The following SORCS1 variants were observed in gnomAD, a reference collection of about 807,000 sequenced individuals.
The protein encoded by SORCS1 is sortilin related VPS10 domain containing receptor 1.
SORCS1 carries 60 observed loss-of-function variants against 146.1 expected under a neutral mutation model. That is an observed-to-expected ratio of 0.41 (90% CI 0.33 to 0.51). The LOEUF (loss-of-function observed/expected upper bound fraction) is 0.51, where lower values mean the gene tolerates loss of function less well. SORCS1 is among the 20% of genes least tolerant of loss of function. The pLI, the probability that SORCS1 is intolerant of heterozygous loss-of-function variation, is 0.21. For missense variants in SORCS1, 1,352 were observed against 1,487.6 expected, an observed-to-expected ratio of 0.91 and a Z score of 1.50; for synonymous variants, 637 against 584.0, an observed-to-expected ratio of 1.09 and a Z score of -1.31.
intron 3 of SORCS1, among the ~76,000 whole-genome samples, chr10:106,799,824 G>A (rs113412655): frequency 8.6e-4 from 131 of 152,322 alleles, no homozygotes; most frequent in African/African-American, 3.0e-3. Flanking sequence ...ACAGTGTGGC[G>A]ATTCCTCAAG....
At chr10:106,661,946 G>A (rs1257350767) in intron 17 of SORCS1, among the ~76,000 whole-genome samples, 2 of 152,234 alleles carry the variant, frequency 1.3e-5, no homozygotes, top group East Asian at 1.9e-4. Context: ...CAATCGTGGA[G>A]AACACAGCAG....
Position 107,164,333 on chromosome 10 carries a change from G to A in SORCS1, c.194C>T (p.Ala65Val), listed in dbSNP as rs925329341. ...GFSHQGRPGR[A>V]PATPLPLVVR... ...TACGAGGGGCAGGGGCGTGGCAGGA[G>A]CCCTGCCTGGCCGCCCCTGGTGGGA... The change falls in exon 1 of 26, where the codon GCT (alanine) becomes GTT (valine). Residue 65 changes from alanine to valine, a missense_variant. By Grantham distance (64) the Ala-to-Val change is moderately conservative (BLOSUM62 0). Transcript: ENST00000263054. The surrounding 1 kb of genome is among the most constrained non-coding windows in gnomAD (Gnocchi z 6.8). 2.6e-6 allele frequency: 4 copies of A among 1,539,610 alleles called. No homozygotes were observed. The highest frequency in any genetic ancestry group is 3.5e-6 in the Non-Finnish European group (4 of 1,145,608).
Position 107,164,115 on chromosome 10 carries a change from G to A in SORCS1, c.412C>T (p.Gln138Ter). Residue 138 changes from glutamine to a stop codon, truncating the protein, a stop_gained, in exon 1 of 26, where the codon CAG becomes TAG. Transcript: ENST00000263054. LOFTEE classifies it high-confidence loss of function. This position sits in a 1 kb window ranked among gnomAD's most constrained non-coding sequence, Gnocchi z 6.8. ...PRGVLRDGGQ[Q>*]EPGTRERDPD... ...TCCCGCTCCCGAGTCCCAGGCTCCT[G>A]CTGCCCTCCATCTCTTAGCACTCCC... 6.2e-7 allele frequency: 1 copy of A among 1,613,750 alleles called. No homozygotes were observed. Among genetic ancestry groups the A allele is most frequent in the South Asian group, 1.1e-5 (1 of 91,078 alleles).
chr10:106,902,613 T>C (rs1951755521), intron 2 of SORCS1, among the ~76,000 whole-genome samples: 1 of 152,230 alleles, frequency 6.6e-6, no homozygotes, highest in Admixed American at 6.5e-5. Context: ...ATGAAGAGAT[T>C]CATAGGTATA....
chr10:106,739,775 C>T (rs927139780), intron 5 of SORCS1, among the ~76,000 whole-genome samples: 1 of 151,740 alleles, frequency 6.6e-6, no homozygotes, highest in Non-Finnish European at 1.5e-5. Flanking sequence ...TGTGGTGAAA[C>T]CCCGTCTCTA....
intron 2 of SORCS1, among the ~76,000 whole-genome samples, chr10:106,889,144 T>C (rs908466111): frequency 1.3e-5 from 2 of 152,162 alleles, no homozygotes; most frequent in South Asian, 2.1e-4. Context: ...TTGTTACTTT[T>C]TGAGATACTA....
chr10:106,661,543 T>A (rs974706820), intron 17 of SORCS1, among the ~76,000 whole-genome samples: 3 of 152,220 alleles, frequency 2.0e-5, no homozygotes, highest in Non-Finnish European at 4.4e-5. Context: ...CTTTCTTTAC[T>A]CTAGAGGAGT....
intron 2 of SORCS1, among the ~76,000 whole-genome samples, chr10:106,854,833 G>GTA (rs1426564402): frequency 2.6e-5 from 4 of 151,968 alleles, no homozygotes; most frequent in Non-Finnish European, 4.4e-5. Flanking sequence ...ATGTGTGTGT[G>GTA]TATATATATA....
intron 23 of SORCS1, among the ~76,000 whole-genome samples, chr10:106,601,199 G>C (rs1290036603): frequency 6.6e-6 from 1 of 152,352 alleles, no homozygotes; most frequent in African/African-American, 2.4e-5. Flanking sequence ...GTGAAATACT[G>C]TGTGATTTCT....
chr10:106,895,953 A>G (rs188910803), intron 2 of SORCS1, among the ~76,000 whole-genome samples: 17 of 151,680 alleles, frequency 1.1e-4, no homozygotes, highest in East Asian at 3.9e-4. Flanking sequence ...GTGTGTGTGT[A>G]TATATATATA....
At chr10:107,067,296 CTTTT>C (rs145060045) in intron 1 of SORCS1, among the ~76,000 whole-genome samples, 1 of 146,288 alleles carries the variant, frequency 6.8e-6, no homozygotes. Flanking sequence ...TTCAACTTAA[CTTTT>C]TTTTTTTTTT....
At chr10:107,046,421 AT>A (rs1169152463) in intron 1 of SORCS1, among the ~76,000 whole-genome samples, 1 of 152,108 alleles carries the variant, frequency 6.6e-6, no homozygotes, top group Non-Finnish European at 1.5e-5. Flanking sequence ...ATGTTTATCA[AT>A]AAATACATGT....
intron 1 of SORCS1, among the ~76,000 whole-genome samples, chr10:106,986,673 C>T (rs1589856494): frequency 1.4e-5 from 2 of 141,944 alleles, no homozygotes; most frequent in African/African-American, 4.9e-5. Context: ...TTTTTTGAGA[C>T]TTATTCTTTC....
intron 1 of SORCS1, among the ~76,000 whole-genome samples, chr10:107,112,898 A>C (rs1965786843): frequency 6.6e-6 from 1 of 152,206 alleles, no homozygotes; most frequent in Non-Finnish European, 1.5e-5. Flanking sequence ...GACAGCAATC[A>C]AATAATAATA....
At chr10:106,942,584 C>T (rs1187164734) in intron 2 of SORCS1, among the ~76,000 whole-genome samples, 1 of 152,186 alleles carries the variant, frequency 6.6e-6, no homozygotes, top group African/African-American at 2.4e-5. Flanking sequence ...TCACGTCCAT[C>T]TCCCACTCAA....
At chr10:106,753,696 A>T (rs1344594482) in intron 5 of SORCS1, among the ~76,000 whole-genome samples, 2 of 152,040 alleles carry the variant, frequency 1.3e-5, no homozygotes, top group African/African-American at 2.4e-5. Context: ...AAAAAAAAAA[A>T]AGTCACTTCA....
chr10:107,144,646 G>A (rs568877280), intron 1 of SORCS1, among the ~76,000 whole-genome samples: 1 of 152,350 alleles, frequency 6.6e-6, no homozygotes, highest in African/African-American at 2.4e-5. Context: ...TTGCCATATT[G>A]GGCACTCCGT....
At chr10:106,972,543 T>G (rs1034010372) in intron 1 of SORCS1, among the ~76,000 whole-genome samples, 4 of 151,940 alleles carry the variant, frequency 2.6e-5, no homozygotes, top group African/African-American at 9.7e-5. Flanking sequence ...CTTTTTTTTT[T>G]TGGCCGTAAA....
At chr10:106,803,618 T>G (rs1393109025) in intron 3 of SORCS1, among the ~76,000 whole-genome samples, 1 of 152,192 alleles carries the variant, frequency 6.6e-6, no homozygotes, top group Non-Finnish European at 1.5e-5. Flanking sequence ...TAGGTCTTGT[T>G]ATCTCAATGA....
Sources: allele counts gnomAD v4.1 joint callset (sites outside exome capture counted in the v4.1 genomes callset), GRCh38; gene constraint gnomAD v4.1.1; non-coding constraint Gnocchi (gnomAD v3.1); transcripts MANE v1.5; gene names NCBI Gene and HGNC (gene_info 2026-07-23, HGNC 2026-07-21).